Variants in RAD54B observed in about 807,000 individuals in gnomAD.
RAD54B encodes the protein DNA repair and recombination protein RAD54B.
In RAD54B, 78 loss-of-function variants were observed where a neutral mutation model predicts 95.8. The observed-to-expected ratio is 0.81, with a 90% confidence interval of 0.68 to 0.98. The LOEUF (loss-of-function observed/expected upper bound fraction) is 0.98. RAD54B is among the 50% of genes least tolerant of loss of function. RAD54B has a pLI of 0.00. For synonymous variants in RAD54B, 328 were observed against 354.9 expected, an observed-to-expected ratio of 0.92 and a Z score of 0.85; for missense variants, 957 against 1,056.6, an observed-to-expected ratio of 0.91 and a Z score of 1.31.
chr8:94,465,459 C>A (rs1436186712), intron 2 of RAD54B, among the ~76,000 whole-genome samples: 1 of 152,102 alleles, frequency 6.6e-6, no homozygotes, highest in Non-Finnish European at 1.5e-5. Context: ...AGTGAAATAC[C>A]ACTTCACAAC....
At chr8:94,418,892 C>T (rs71532313) in intron 3 of RAD54B, among the ~76,000 whole-genome samples, 3,546 of 152,168 alleles carry the variant, frequency 0.023, 55 homozygotes, top group Non-Finnish European at 0.034. Context: ...TGAACTTTTT[C>T]TGTGAATTCA....
At chr8:94,450,057 C>T (rs1812617998) in intron 3 of RAD54B, among the ~76,000 whole-genome samples, 1 of 152,192 alleles carries the variant, frequency 6.6e-6, no homozygotes, top group Non-Finnish European at 1.5e-5. Flanking sequence ...CTAATTTATT[C>T]CCTGACCCAA....
intron 1 of RAD54B, among the ~76,000 whole-genome samples, chr8:94,471,268 C>T (rs1391610562): frequency 7.3e-6 from 1 of 137,454 alleles, no homozygotes; most frequent in African/African-American, 2.8e-5. Context: ...TAATGGGTGG[C>T]GGGGGGGGGC....
chr8:94,424,203 A>G (rs1485158903), intron 3 of RAD54B, among the ~76,000 whole-genome samples: 5 of 152,228 alleles, frequency 3.3e-5, no homozygotes, highest in Non-Finnish European at 7.3e-5. Context: ...AAGGGCATGA[A>G]CTATGGAGAC....
intron 3 of RAD54B, among the ~76,000 whole-genome samples, chr8:94,445,502 A>G (rs1812500632): frequency 2.0e-5 from 3 of 152,034 alleles, no homozygotes; most frequent in South Asian, 2.1e-4. Context: ...TCTTTCCCCT[A>G]TTGCCAGTGG....
Position 94,400,242 on chromosome 8 carries a change from T to TC in RAD54B, c.1165dup (p.Asp389GlyfsTer7). ...CTAAACTTTTAAGTTTCTTACCTGA[T>TC]CAACAGTAAATATCTTGATCCTTTC... is the stretch of plus-strand genomic sequence containing the variant. On this transcript the variant is annotated frameshift_variant, in exon 7 of 15. Coordinates refer to ENST00000336148, the MANE Select transcript of RAD54B (RefSeq NM_012415.3). LOFTEE classifies it high-confidence loss of function. 1 of 1,611,586 alleles carries TC rather than the reference T, an allele frequency of 6.2e-7. No individual in the cohort carries two copies.
At chr8:94,435,948 A>C (rs1812246252) in intron 3 of RAD54B, among the ~76,000 whole-genome samples, 1 of 152,148 alleles carries the variant, frequency 6.6e-6, no homozygotes, top group South Asian at 2.1e-4. Context: ...TTAGAAAAAT[A>C]ATTTAAACTG....
At chr8:94,381,971 G>A (rs1198549069) in intron 11 of RAD54B, among the ~76,000 whole-genome samples, 1 of 152,014 alleles carries the variant, frequency 6.6e-6, no homozygotes, top group Non-Finnish European at 1.5e-5. Flanking sequence ...AAAATTAGTC[G>A]GGCATGGTGG....
chr8:94,382,765 TCTG>T (rs1200454865), intron 11 of RAD54B, among the ~76,000 whole-genome samples: 1 of 152,140 alleles, frequency 6.6e-6, no homozygotes, highest in African/African-American at 2.4e-5. Flanking sequence ...TCTCACGAGA[TCTG>T]CTGGTTTTAT....
chr8:94,441,063 C>A (rs1812385508), intron 3 of RAD54B, among the ~76,000 whole-genome samples: 1 of 152,002 alleles, frequency 6.6e-6, no homozygotes, highest in Non-Finnish European at 1.5e-5. Context: ...CTGTGAAACT[C>A]CCTGCTCTTT....
chr8:94,399,756 G>A, intron 7 of RAD54B, 135 bp from the exon 8 acceptor site: 1 of 1,205,004 alleles, frequency 8.3e-7, no homozygotes, highest in Non-Finnish European at 1.1e-6. Flanking sequence ...AACTGAGGCT[G>A]CTATAAACAA....
At chr8:94,373,193 C>T (rs1314879766) in intron 14 of RAD54B, 1 of 152,134 alleles carries the variant, frequency 6.6e-6, no homozygotes, top group South Asian at 2.1e-4. Flanking sequence ...GCAATTGATA[C>T]GAGCCTATGC....
chr8:94,383,169 C>T (rs1810785341), intron 11 of RAD54B, among the ~76,000 whole-genome samples: 1 of 151,384 alleles, frequency 6.6e-6, no homozygotes, highest in African/African-American at 2.4e-5. Flanking sequence ...CCTGTAATTT[C>T]AGCTACTCGA....
rs752037673 is a variant in RAD54B at position 94,400,407 on chromosome 8, A to T, written c.1001T>A (p.Leu334Ter). The change falls in exon 7 of 15, where the codon TTG (leucine) becomes TAG (stop). Residue 334 changes from leucine (L) to a stop codon, truncating the protein, a stop_gained. Transcript: ENST00000336148. LOFTEE classifies it high-confidence loss of function. The stretch of plus-strand genomic sequence containing the variant: ...GGTCCAGATGAGCGAAATACATTGC[A>T]ATGTCTTCCCTAAACCCATTTCATC... ...LADEMGLGKT[L>*]QCISLIWTLQ... The T allele has an allele frequency of 6.2e-7, 1 of 1,613,732 alleles. No homozygotes were observed. The highest frequency in any genetic ancestry group is 8.5e-7 in the Non-Finnish European group (1 of 1,179,854).
intron 3 of RAD54B, chr8:94,427,999 T>G: frequency 1.1e-6 from 1 of 930,002 alleles, no homozygotes; most frequent in Non-Finnish European, 1.3e-6. Context: ...CTTGACTATT[T>G]TAAGAAATCT....
intron 1 of RAD54B, among the ~76,000 whole-genome samples, chr8:94,474,252 T>C (rs977232268): frequency 2.0e-5 from 3 of 152,154 alleles, no homozygotes; most frequent in East Asian, 1.9e-4. Flanking sequence ...TCAAAAACTA[T>C]TGGGTAACAT....
chr8:94,380,130 CATAA>C lies in RAD54B; in HGVS notation c.2247+11_2247+14del, dbSNP rs774825268. The C allele has an allele frequency of 6.3e-6, 10 of 1,591,620 alleles. No individual in the cohort carries two copies. In the African/African-American group the frequency reaches 1.2e-4, roughly 19 times the overall value. On this transcript the variant is annotated intron_variant, in intron 12 of 14. Coordinates refer to ENST00000336148, the MANE Select transcript of RAD54B (RefSeq NM_012415.3). ...GGCATTCAATAATATCTATTTAATG[CATAA>C]ATATTCCTACCTGAATGTCAGTGGC...
intron 11 of RAD54B, among the ~76,000 whole-genome samples, chr8:94,380,953 T>C (rs1242559322): frequency 6.6e-6 from 1 of 152,182 alleles, no homozygotes; most frequent in Admixed American, 6.5e-5. Context: ...GTATTTATTA[T>C]CTGGAGAAAA....
intron 3 of RAD54B, chr8:94,429,982 C>T: frequency 1.0e-6 from 1 of 985,352 alleles, no homozygotes; most frequent in Non-Finnish European, 1.2e-6. Context: ...TCAAAGCATT[C>T]AATGGCTTCT....
Sources: allele counts gnomAD v4.1 joint callset (sites outside exome capture counted in the v4.1 genomes callset), GRCh38; gene constraint gnomAD v4.1.1; transcripts MANE v1.5; gene names NCBI Gene and HGNC (gene_info 2026-07-23, HGNC 2026-07-21).